The following GLRB variants were observed in gnomAD, a reference collection of about 807,000 sequenced individuals.
GLRB encodes the protein glycine receptor subunit beta.
GLRB carries 33 observed loss-of-function variants against 54.2 expected under a neutral mutation model. That is an observed-to-expected ratio of 0.61 (90% CI 0.46 to 0.81). GLRB has a LOEUF of 0.81. Among genes scored for constraint, GLRB ranks in the 40% least tolerant of loss-of-function variants. GLRB has a pLI of 0.00. For missense variants in GLRB, 572 were observed against 584.6 expected, an observed-to-expected ratio of 0.98 and a Z score of 0.22; for synonymous variants, 209 against 208.2, an observed-to-expected ratio of 1.00 and a Z score of -0.03.
chr4:157,168,281 GA>G (rs747743282), intron 9 of GLRB, among the ~76,000 whole-genome samples: 8 of 152,154 alleles, frequency 5.3e-5, no homozygotes, highest in Non-Finnish European at 7.4e-5. Context: ...AAAGTGGAGT[GA>G]GGGGGTGCAG....
intron 2 of GLRB, among the ~76,000 whole-genome samples, chr4:157,108,924 G>A (rs1735319751): frequency 6.6e-6 from 1 of 152,034 alleles, no homozygotes; most frequent in African/African-American, 2.4e-5. Context: ...TGATCAGTCA[G>A]CAGTCATCAA....
At chr4:157,156,009 G>A (rs1457276394) in intron 9 of GLRB, among the ~76,000 whole-genome samples, 1 of 152,110 alleles carries the variant, frequency 6.6e-6, no homozygotes, top group South Asian at 2.1e-4. Context: ...GTCTGCTAAT[G>A]CTCAAGTCCC....
At chr4:157,151,213 A>C (rs1201106947) in intron 8 of GLRB, among the ~76,000 whole-genome samples, 1 of 152,128 alleles carries the variant, frequency 6.6e-6, no homozygotes, top group Admixed American at 6.6e-5. Flanking sequence ...TCAAGGAAAT[A>C]AGTTAGGCTT....
chr4:157,133,300 C>T (rs184102944), intron 4 of GLRB, among the ~76,000 whole-genome samples: 7 of 151,828 alleles, frequency 4.6e-5, no homozygotes, highest in South Asian at 4.2e-4. Flanking sequence ...ATTTTATTGA[C>T]AAGGAATTTG....
intron 6 of GLRB, 132 bp downstream of exon 6, chr4:157,137,018 A>T: frequency 1.5e-6 from 1 of 648,444 alleles, no homozygotes; most frequent in South Asian, 1.8e-5. Flanking sequence ...AAAATAATTT[A>T]TTTAGGGAAA....
At chr4:157,131,346 T>C (rs1300558842) in intron 4 of GLRB, among the ~76,000 whole-genome samples, 1 of 151,804 alleles carries the variant, frequency 6.6e-6, no homozygotes, top group East Asian at 1.9e-4. Context: ...TGTAGCTTTA[T>C]TCATAATTGA....
chr4:157,132,342 C>T (rs1185516881), intron 4 of GLRB, among the ~76,000 whole-genome samples: 2 of 151,748 alleles, frequency 1.3e-5, no homozygotes, highest in African/African-American at 2.4e-5. Context: ...TCTTGCTTGA[C>T]CCCTGAATTA....
rs3775725 is a variant in GLRB, at chr4:157,078,150, T to A, written c.122+4T>A. On this transcript the variant is annotated splice_donor_region_variant and intron_variant, in intron 2 of 9. Transcript: ENST00000264428. The stretch of plus-strand genomic sequence containing the variant: ...AGAAGCAGTATCTATGCCCATCGTA[T>A]GTTCTTCATGTCTTATATTCTTATA... 7.0e-3 allele frequency: 11,255 copies of A among 1,612,278 alleles called. 423 individuals carry two copies. In the East Asian group the frequency reaches 0.13, roughly 18 times the overall value.
intron 2 of GLRB, among the ~76,000 whole-genome samples, chr4:157,108,087 G>GA (rs1387696931): frequency 3.3e-5 from 5 of 152,034 alleles, no homozygotes; most frequent in South Asian, 4.2e-4. Flanking sequence ...TACCACTCAG[G>GA]AAAAAAGACT....
At chr4:157,130,740 C>T in intron 4 of GLRB, among the ~76,000 whole-genome samples, 1 of 151,504 alleles carries the variant, frequency 6.6e-6, no homozygotes, top group East Asian at 1.9e-4. Context: ...GGAGTGTCTG[C>T]TTTCAATTTT....
chr4:157,170,709 A>G lies in GLRB; in HGVS notation c.1475A>G (p.Tyr492Cys). 6.5e-7 allele frequency: 1 copy of G among 1,540,890 alleles called. No individual in the cohort carries two copies. The highest frequency in any genetic ancestry group is 8.9e-7 in the Non-Finnish European group (1 of 1,128,726). The change falls in exon 10 of 10, where the codon TAT (tyrosine) becomes TGT (cysteine). Residue 492 changes from tyrosine (Y) to cysteine (C), a missense_variant. By Grantham distance (194) the Tyr-to-Cys change is radical. Transcript: ENST00000264428. ...PFCFLFFNVI[Y>C]WSIYL ...TGCTTCTTGTTCTTCAATGTTATAT[A>G]TTGGTCTATATATTTATGATAAATC...
intron 1 of GLRB, among the ~76,000 whole-genome samples, chr4:157,077,535 T>C (rs1039154821): frequency 2.0e-5 from 3 of 151,966 alleles, no homozygotes; most frequent in East Asian, 1.9e-4. Context: ...TTTGAAAAAA[T>C]ATACATAAGA....
At chr4:157,157,249 AG>A in intron 9 of GLRB, among the ~76,000 whole-genome samples, 1 of 152,304 alleles carries the variant, frequency 6.6e-6, no homozygotes, top group African/African-American at 2.4e-5. Context: ...ACACTATGGC[AG>A]GGATCAGGGC....
chr4:157,152,833 G>T lies in GLRB; in HGVS notation c.1020G>T (p.Gly340=), dbSNP rs1302379622. The change falls in exon 9 of 10, where the codon GGG becomes GGT. Residue 340 remains glycine (G), a synonymous_variant. Coordinates refer to ENST00000264428, the MANE Select transcript of GLRB (RefSeq NM_000824.5). ...DVWLIACLLF[G]FASLVEYAVV... ...GGCTTATTGCTTGCCTTCTCTTTGGGTTTGCTTCCCTGGTGGAGTATGCAG... is the reference window on the plus strand; with the variant it reads ...GGCTTATTGCTTGCCTTCTCTTTGGTTTTGCTTCCCTGGTGGAGTATGCAG... 6.2e-7 allele frequency: 1 copy of T among 1,613,926 alleles called. No individual in the cohort carries two copies. Among genetic ancestry groups the T allele is most frequent in the Non-Finnish European group, 8.5e-7 (1 of 1,180,008 alleles).
intron 7 of GLRB, among the ~76,000 whole-genome samples, chr4:157,141,023 A>G (rs1320842356): frequency 2.0e-5 from 3 of 151,926 alleles, no homozygotes; most frequent in African/African-American, 7.2e-5. Flanking sequence ...CCTGCCCTTT[A>G]GAGAGCCATA....
At chr4:157,129,802 G>A (rs971826395) in intron 4 of GLRB, among the ~76,000 whole-genome samples, 10 of 151,538 alleles carry the variant, frequency 6.6e-5, no homozygotes, top group Admixed American at 5.9e-4. Flanking sequence ...CTTAAAGCAA[G>A]AAGAGTTTAG....
intron 2 of GLRB, 79 bp downstream of exon 2, chr4:157,078,225 CACA>C: frequency 6.3e-7 from 1 of 1,589,436 alleles, no homozygotes. Context: ...TTTATGAAGA[CACA>C]CATCAACAAA....
chr4:157,110,444 T>C (rs75203754), intron 2 of GLRB, among the ~76,000 whole-genome samples: 5,008 of 152,098 alleles, frequency 0.033, 140 homozygotes, highest in African/African-American at 0.076. Flanking sequence ...TCTATTGAAT[T>C]TTTTAGTTTA....
At chr4:157,092,369 T>G (rs1330494478) in intron 2 of GLRB, among the ~76,000 whole-genome samples, 2 of 152,196 alleles carry the variant, frequency 1.3e-5, no homozygotes, top group Non-Finnish European at 2.9e-5. Context: ...GATAGTATAA[T>G]TTGGAATTAT....
Sources: gnomAD v4.1 joint callset for allele counts (sites outside exome capture counted in the v4.1 genomes callset) on GRCh38, gnomAD v4.1.1 for gene constraint, MANE v1.5 for transcripts, NCBI Gene and HGNC (gene_info 2026-07-23, HGNC 2026-07-21) for gene names.